Variants in ESPL1 observed in about 807,000 individuals in gnomAD.
ESPL1 encodes the protein separin.
ESPL1 carries 50 observed loss-of-function variants against 217.2 expected under a neutral mutation model. That is an observed-to-expected ratio of 0.23 (90% CI 0.18 to 0.29). The LOEUF (loss-of-function observed/expected upper bound fraction) is 0.29. Among genes scored for constraint, ESPL1 ranks in the 10% least tolerant of loss-of-function variants. ESPL1 has a pLI of 1.00. For missense variants in ESPL1, 1,834 were observed against 2,603.0 expected (o/e 0.70, Z 6.43); for synonymous variants, 994 against 1,081.3 (o/e 0.92, Z 1.58).
chr12:53,287,786 CCTT>C (rs1943975026), intron 18 of ESPL1, 183 bp from the exon 19 acceptor site: 1 of 540,092 alleles, frequency 1.9e-6, no homozygotes, highest in African/African-American at 1.9e-5. Flanking sequence ...TTTTCTCCCT[CCTT>C]CCACACCCAA....
rs1944014359 is a variant in ESPL1 at position 53,289,436 on chromosome 12, TAGC to T, written c.4958_4960del (p.Ala1653del). ...CAGAAGCACCGAGGATCACTTGAAA[TAGC>T]AGACCAGCTGCAGGGGCTGAGCCTT... On this transcript the variant is annotated inframe_deletion, in exon 22 of 31. Transcript: ENST00000257934. 3.1e-6 allele frequency: 5 copies of T among 1,613,928 alleles called. No homozygotes were observed. The highest frequency in any genetic ancestry group is 8.5e-7 in the Non-Finnish European group (1 of 1,180,030).
chr12:53,286,530 G>A lies in ESPL1; in HGVS notation c.3794G>A (p.Arg1265Gln), dbSNP rs752309058. Residue 1265 changes from arginine to glutamine, a missense_variant, in exon 18 of 31, where the codon CGA (arginine) becomes CAA (glutamine). Around this residue, in one of 5 missense-constraint regions of ESPL1, gnomAD observed 681 missense variants for 808.0 expected, o/e 0.84. Coordinates refer to ENST00000257934, the MANE Select transcript of ESPL1 (RefSeq NM_012291.5). The surrounding 1 kb of genome is among the most constrained non-coding windows in gnomAD (Gnocchi z 5.3). ...AARIPHLEPWRASLLLIWALT... is the reference protein window; with the variant it reads ...AARIPHLEPWQASLLLIWALT... The stretch of plus-strand genomic sequence containing the variant: ...CGGATACCCCACCTAGAGCCCTGGC[G>A]AGCCAGCCTGCTCTTGATTTGGGCC... 35 of 1,614,058 alleles carry A rather than the reference G, an allele frequency of 2.2e-5. No individual in the cohort carries two copies. Among genetic ancestry groups the A allele is most frequent in the Non-Finnish European group, 2.8e-5 (33 of 1,180,042 alleles).
rs756665637 is a variant in ESPL1 at position 53,283,411 on chromosome 12, C to G, written c.2950C>G (p.Leu984Val). 6.2e-7 allele frequency: 1 copy of G among 1,614,020 alleles called. No homozygotes were observed. Among genetic ancestry groups the G allele is most frequent in the African/African-American group, 1.3e-5 (1 of 74,924 alleles). ...GENLVQKWQVLSEVLSCSEKL... is the reference protein window; with the variant it reads ...GENLVQKWQVVSEVLSCSEKL... Reference sequence around the variant, plus strand: ...AAATCTGGTACAAAAATGGCAGGTTCTTTCAGAGGTGCTGAGCTGCTCAGA... The same window carrying G: ...AAATCTGGTACAAAAATGGCAGGTTGTTTCAGAGGTGCTGAGCTGCTCAGA... The change falls in exon 16 of 31, where the codon CTT becomes GTT. Residue 984 changes from leucine (L) to valine (V), a missense_variant. By Grantham distance (32) the Leu-to-Val change is conservative (BLOSUM62 1). Transcript: ENST00000257934.
chr12:53,278,082 G>A, intron 11 of ESPL1, 122 bp downstream of exon 11: 2 of 984,890 alleles, frequency 2.0e-6, no homozygotes, highest in East Asian at 2.4e-5. Context: ...TGGAAGCGCA[G>A]GGCTGTATCA....
rs1944025203 is a variant in ESPL1, at chr12:53,290,074, CTG to C, written c.5114-5_5114-4del. On this transcript the variant is annotated splice_polypyrimidine_tract_variant and intron_variant, in intron 22 of 30. Transcript: ENST00000257934. ...ACAGCTGAATGAGTCTGGCTGTATC[CTG>C]TGTGTCAGGGGTGACTGTGTGTGTG... 3 of 1,611,338 alleles carry C rather than the reference CTG, an allele frequency of 1.9e-6. No homozygotes were observed. In the South Asian group the frequency reaches 3.3e-5, roughly 18 times the overall value.
At position 53,282,468 on chromosome 12, in the gene ESPL1, T is replaced by C. The variant is rs761822767; in HGVS notation, c.2791+33T>C. Reference sequence around the variant, plus strand: ...AATAGGGTGGATGGCCCCCCTTGGATGACATGTATGGTCTGTCTGCTGTCA... The same window carrying C: ...AATAGGGTGGATGGCCCCCCTTGGACGACATGTATGGTCTGTCTGCTGTCA... On this transcript the variant is annotated intron_variant, in intron 14 of 30. Transcript: ENST00000257934. The surrounding 1 kb of genome is among the most constrained non-coding windows in gnomAD (Gnocchi z 4.0). 6.3e-7 allele frequency: 1 copy of C among 1,596,368 alleles called. No individual in the cohort carries two copies. The highest frequency in any genetic ancestry group is 2.2e-5 in the East Asian group (1 of 44,716).
rs1254245244 is a variant in ESPL1, at chr12:53,289,134, T to G, written c.4753T>G (p.Phe1585Val). The G allele has an allele frequency of 6.2e-7, 1 of 1,614,198 alleles. No individual in the cohort carries two copies. Among genetic ancestry groups the G allele is most frequent in the South Asian group, 1.1e-5 (1 of 91,076 alleles). The change falls in exon 21 of 31, where the codon TTC becomes GTC. Residue 1585 changes from phenylalanine (F) to valine (V), a missense_variant. By Grantham distance (50) the Phe-to-Val change is conservative. Coordinates refer to ENST00000257934, the MANE Select transcript of ESPL1 (RefSeq NM_012291.5). Reference sequence around the variant, plus strand: ...CATCTGTGACTCCCTGAGTGTTGCTTTCCGGGGCATTAGTCACTGTCCTCC... The same window carrying G: ...CATCTGTGACTCCCTGAGTGTTGCTGTCCGGGGCATTAGTCACTGTCCTCC... ...DSICDSLSVAFRGISHCPPSG... is the reference protein window; with the variant it reads ...DSICDSLSVAVRGISHCPPSG...
Position 53,286,330 on chromosome 12 carries a change from C to T in ESPL1, c.3594C>T (p.Leu1198=). The change falls in exon 18 of 31, where the codon CTC becomes CTT. Residue 1198 remains leucine, a synonymous_variant. Transcript: ENST00000257934. The surrounding 1 kb of genome is among the most constrained non-coding windows in gnomAD (Gnocchi z 5.3). The stretch of plus-strand genomic sequence containing the variant: ...GCTGTCCTGAAGCCGCTGAGCGCCT[C>T]ACCCAAGCTCTCCAAGCTTCCCTGA... ...LKGCPEAAER[L]TQALQASLNH... The T allele has an allele frequency of 6.2e-7, 1 of 1,614,228 alleles. No individual in the cohort carries two copies. The highest frequency in any genetic ancestry group is 8.5e-7 in the Non-Finnish European group (1 of 1,180,038).
rs563970963 is a variant in ESPL1 at position 53,269,412 on chromosome 12, C to G, written c.470C>G (p.Ala157Gly). Reference sequence around the variant, plus strand: ...TCTCTGCTTTGGAAGGGGGCAGAAGCCCTGTTGGAACGGCGAGCTGCATTT... The same window carrying G: ...TCTCTGCTTTGGAAGGGGGCAGAAGGCCTGTTGGAACGGCGAGCTGCATTT... ...SFSLLWKGAE[A>G]LLERRAAFAA... Residue 157 changes from alanine (A) to glycine (G), a missense_variant, in exon 3 of 31, where the codon GCC (alanine) becomes GGC (glycine). Ala to Gly is a moderately conservative substitution (Grantham distance 60, BLOSUM62 0). Transcript: ENST00000257934. This position sits in a 1 kb window ranked among gnomAD's most constrained non-coding sequence, Gnocchi z 6.7. The G allele has an allele frequency of 1.2e-6, 2 of 1,613,816 alleles. No individual in the cohort carries two copies. The highest frequency in any genetic ancestry group is 2.7e-5 in the African/African-American group (2 of 74,894).
In ESPL1 at chr12:53,282,456, G is replaced by GC; in HGVS notation, c.2791+27dup. 1.2e-6 allele frequency: 2 copies of GC among 1,608,348 alleles called. No homozygotes were observed. Among genetic ancestry groups the GC allele is most frequent in the South Asian group, 1.1e-5 (1 of 90,902 alleles). On this transcript the variant is annotated intron_variant, in intron 14 of 30. Transcript: ENST00000257934. The surrounding 1 kb of genome is among the most constrained non-coding windows in gnomAD (Gnocchi z 4.0). ...CCAAGGTGAAAGAATAGGGTGGATG[G>GC]CCCCCCTTGGATGACATGTATGGTC...
chr12:53,275,716 G>A (rs1017048935), intron 7 of ESPL1, among the ~76,000 whole-genome samples: 3 of 147,926 alleles, frequency 2.0e-5, no homozygotes, highest in Non-Finnish European at 4.5e-5. Flanking sequence ...TTTGCATTTT[G>A]TGTCTGTTCC....
Position 53,289,230 on chromosome 12 carries a change from G to T in ESPL1, c.4849G>T (p.Ala1617Ser). The stretch of plus-strand genomic sequence containing the variant: ...GGGCCACCGGGATCCTTATGCCACT[G>T]CTTTCCTTGTCACCGAGTCTGTCTC... The part of the protein sequence containing the change: ...CLGHRDPYAT[A>S]FLVTESVSIT... Residue 1617 changes from alanine (A) to serine (S), a missense_variant, in exon 21 of 31, where the codon GCT becomes TCT. This residue lies in a region of ESPL1 where 681 missense variants were observed against 808.0 expected (regional missense o/e 0.84). Transcript: ENST00000257934. 1 of 1,613,248 alleles carries T rather than the reference G, an allele frequency of 6.2e-7. No homozygotes were observed. Among genetic ancestry groups the T allele is most frequent in the Non-Finnish European group, 8.5e-7 (1 of 1,180,028 alleles).
chr12:53,274,704 C>A, intron 6 of ESPL1, 113 bp from the exon 7 acceptor site: 1 of 843,840 alleles, frequency 1.2e-6, no homozygotes, highest in Non-Finnish European at 1.9e-6. Flanking sequence ...GGAGGCCCAC[C>A]TGCCAACCCC....
At chr12:53,285,836 T>C in intron 17 of ESPL1, 88 bp from the exon 18 acceptor site, 1 of 977,456 alleles carries the variant, frequency 1.0e-6, no homozygotes. Flanking sequence ...AAAACACATA[T>C]ATTAGAGAAT....
In ESPL1 at chr12:53,293,089, G is replaced by T; in HGVS notation, c.6161+119G>T. The T allele has an allele frequency of 9.2e-7, 1 of 1,083,424 alleles. No homozygotes were observed. The highest frequency in any genetic ancestry group is 1.3e-6 in the Non-Finnish European group (1 of 750,644). 67.1% of individuals were successfully genotyped at this position (1,083,424 alleles called of 1,614,324 possible). Reference sequence around the variant, plus strand: ...CCCCATTTTCCTCCTATCCTAGTTAGTTCCCTGGCATGCCTGGACCATTAA... The same window carrying T: ...CCCCATTTTCCTCCTATCCTAGTTATTTCCCTGGCATGCCTGGACCATTAA... On this transcript the variant is annotated intron_variant, in intron 30 of 30. Coordinates refer to ENST00000257934, the MANE Select transcript of ESPL1 (RefSeq NM_012291.5). This position sits in a 1 kb window ranked among gnomAD's most constrained non-coding sequence, Gnocchi z 4.2.
rs373821571 is a variant in ESPL1 at position 53,290,299 on chromosome 12, T to C, written c.5242-48T>C. 3.7e-6 allele frequency: 6 copies of C among 1,610,376 alleles called. No homozygotes were observed. The African/African-American group carries it at 4.0e-5, about 11-fold the overall frequency. ...CATTCTGTGTTGAGGGAGGGAGAGA[T>C]GGTGATCACGTGGACAAGCAGAGCT... is the stretch of plus-strand genomic sequence containing the variant. On this transcript the variant is annotated intron_variant, in intron 23 of 30. Transcript: ENST00000257934.
At position 53,269,003 on chromosome 12, in the gene ESPL1, C is replaced by A; in HGVS notation, c.82-21C>A. ...CTTTCCTGCCTTTGCTAGCCCCATTCATATCTTTCTCTACTCCTAGGAGTT... is the reference window on the plus strand; with the variant it reads ...CTTTCCTGCCTTTGCTAGCCCCATTAATATCTTTCTCTACTCCTAGGAGTT... On this transcript the variant is annotated intron_variant, in intron 2 of 30. Coordinates refer to ENST00000257934, the MANE Select transcript of ESPL1 (RefSeq NM_012291.5). The surrounding 1 kb of genome is among the most constrained non-coding windows in gnomAD (Gnocchi z 6.7). 1 of 1,592,056 alleles carries A rather than the reference C, an allele frequency of 6.3e-7. No individual in the cohort carries two copies. The highest frequency in any genetic ancestry group is 8.6e-7 in the Non-Finnish European group (1 of 1,162,860).
In ESPL1 at chr12:53,289,613, G is replaced by A. The variant is rs1378108632; in HGVS notation, c.5113+19G>A. The stretch of plus-strand genomic sequence containing the variant: ...CCCAGTGGTATGCGGGCAGCCTTCT[G>A]GCCGGCTCCTCTGTCCTCTTCTGCA... On this transcript the variant is annotated intron_variant, in intron 22 of 30. Coordinates refer to ENST00000257934, the MANE Select transcript of ESPL1 (RefSeq NM_012291.5). 6.2e-7 allele frequency: 1 copy of A among 1,606,422 alleles called. No individual in the cohort carries two copies. The highest frequency in any genetic ancestry group is 1.1e-5 in the South Asian group (1 of 90,680).
Position 53,269,681 on chromosome 12 carries a change from A to T in ESPL1, c.739A>T (p.Arg247Trp), listed in dbSNP as rs769405451. ...CTCTTCTGGGCTTCTTTCTCCCCAG[A>T]GGGCCCTCTGCCTCTTGGAGCTCAC... Reference protein sequence around the residue: ...GSSSGLLSPQRALCLLELTLE... With the variant: ...GSSSGLLSPQWALCLLELTLE... Residue 247 changes from arginine (R) to tryptophan (W), a missense_variant, in exon 3 of 31, where the codon AGG (arginine) becomes TGG (tryptophan). By Grantham distance (101) the Arg-to-Trp change is moderately radical. Coordinates refer to ENST00000257934, the MANE Select transcript of ESPL1 (RefSeq NM_012291.5). This position sits in a 1 kb window ranked among gnomAD's most constrained non-coding sequence, Gnocchi z 6.7. 6.2e-7 allele frequency: 1 copy of T among 1,614,154 alleles called. No homozygotes were observed.
Sources: gnomAD v4.1 joint callset for allele counts (sites outside exome capture counted in the v4.1 genomes callset) on GRCh38, gnomAD v4.1.1 for gene constraint, gnomAD v4.1.1 regional missense constraint, Gnocchi (gnomAD v3.1) non-coding constraint, MANE v1.5 for transcripts, NCBI Gene and HGNC (gene_info 2026-07-23, HGNC 2026-07-21) for gene names.